Variants in HEATR5A observed in about 807,000 individuals in gnomAD.
The protein encoded by HEATR5A is HEAT repeat containing 5A.
A neutral mutation model predicts 218.8 loss-of-function variants in HEATR5A; 178 were observed. That is an observed-to-expected ratio of 0.81 (90% CI 0.72 to 0.92). The LOEUF is 0.92. Among genes scored for constraint, HEATR5A ranks in the 40% least tolerant of loss-of-function variants. The pLI is 0.00. For synonymous variants in HEATR5A, 864 were observed against 871.6 expected, an observed-to-expected ratio of 0.99 and a Z score of 0.15; for missense variants, 2,420 against 2,418.9, an observed-to-expected ratio of 1.00 and a Z score of -0.01.
Position 31,292,346 on chromosome 14 carries a change from G to A in HEATR5A, c.*959C>T, listed in dbSNP as rs1181314879. ...ATCCATTTGAAAAATAGTGGAAATG[G>A]CTTATTCTATTTAAAATGAGTAAGA... is the stretch of plus-strand genomic sequence containing the variant. On this transcript the variant is annotated 3_prime_UTR_variant, in exon 36 of 36. Transcript: ENST00000543095. The A allele has an allele frequency of 6.6e-6, 1 of 152,060 alleles. No homozygotes were observed. Among genetic ancestry groups the A allele is most frequent in the African/African-American group, 2.4e-5 (1 of 41,416 alleles). 9.4% of individuals were successfully genotyped at this position (152,060 alleles called of 1,614,324 possible).
chr14:31,344,944 GA>G, intron 20 of HEATR5A, 142 bp downstream of exon 20: 1 of 663,760 alleles, frequency 1.5e-6, no homozygotes, highest in East Asian at 2.7e-5. Context: ...CAAGGTAAGA[GA>G]AATCAGGCTG....
chr14:31,345,247 G>A lies in HEATR5A; in HGVS notation c.2898C>T (p.Ile966=), dbSNP rs1330531071. The A allele has an allele frequency of 2.5e-6, 4 of 1,612,536 alleles. No homozygotes were observed. The highest frequency in any genetic ancestry group is 1.3e-5 in the African/African-American group (1 of 74,990). The part of the protein sequence containing the change: ...QTWALHSLSL[I]IDSAGPLYYV... ...AATAGAGTGGGCCAGCAGAATCAATGATCAATGATAGAGAATGTAATGCCC... is the reference window on the plus strand; with the variant it reads ...AATAGAGTGGGCCAGCAGAATCAATAATCAATGATAGAGAATGTAATGCCC... Residue 966 remains isoleucine, a synonymous_variant, in exon 20 of 36, where the codon ATC becomes ATT. Transcript: ENST00000543095.
At chr14:31,385,124 G>A (rs2030161625) in intron 9 of HEATR5A, among the ~76,000 whole-genome samples, 1 of 152,040 alleles carries the variant, frequency 6.6e-6, no homozygotes, top group South Asian at 2.1e-4. Flanking sequence ...AAGGATAAAA[G>A]CCATAATGAT....
chr14:31,315,809 A>G lies in HEATR5A; in HGVS notation c.4179T>C (p.Ser1393=). ...TAAGCACAGCTAAGATCTCCATGGT[A>G]GAAGCACTTTCATTATATAAGTGAC... is the stretch of plus-strand genomic sequence containing the variant. The part of the protein sequence containing the change: ...ALSHLYNESA[S]TMEILAVLKA... Residue 1393 remains serine (S), a synonymous_variant, in exon 27 of 36, where the codon TCT becomes TCC. Transcript: ENST00000543095. 1 of 1,612,828 alleles carries G rather than the reference A, an allele frequency of 6.2e-7. No individual in the cohort carries two copies.
intron 28 of HEATR5A, among the ~76,000 whole-genome samples, chr14:31,309,994 C>T (rs1227742138): frequency 1.3e-5 from 2 of 151,950 alleles, no homozygotes; most frequent in African/African-American, 4.8e-5. Flanking sequence ...TGAGCCACCG[C>T]GCCTGGCCAT....
At chr14:31,302,925 G>T (rs1191573280) in intron 32 of HEATR5A, among the ~76,000 whole-genome samples, 3 of 125,598 alleles carry the variant, frequency 2.4e-5, no homozygotes, top group Non-Finnish European at 4.7e-5. Flanking sequence ...AACACAGTGA[G>T]ACTTCATCTT....
intron 1 of HEATR5A, among the ~76,000 whole-genome samples, chr14:31,418,779 A>G (rs1314296483): frequency 6.6e-6 from 1 of 152,240 alleles, no homozygotes; most frequent in Non-Finnish European, 1.5e-5. Context: ...AGATGTCATT[A>G]AACGCTTAAT....
chr14:31,358,619 A>G lies in HEATR5A; in HGVS notation c.2411+18T>C. The G allele has an allele frequency of 6.2e-7, 1 of 1,605,530 alleles. No individual in the cohort carries two copies. Among genetic ancestry groups the G allele is most frequent in the Non-Finnish European group, 8.5e-7 (1 of 1,174,588 alleles). Reference sequence around the variant, plus strand: ...CAGTTCTCTATTATCCATTCACTGAACCATTGAAGATATTTACCTTTGAGT... The same window carrying G: ...CAGTTCTCTATTATCCATTCACTGAGCCATTGAAGATATTTACCTTTGAGT... On this transcript the variant is annotated intron_variant, in intron 16 of 35. Transcript: ENST00000543095.
chr14:31,338,979 G>C (rs1900752177), intron 21 of HEATR5A, among the ~76,000 whole-genome samples: 1 of 151,562 alleles, frequency 6.6e-6, no homozygotes, highest in Non-Finnish European at 1.5e-5. Context: ...AATTAGCCGG[G>C]CATGGTGGCA....
chr14:31,389,493 T>G lies in HEATR5A; in HGVS notation c.773-488A>C, dbSNP rs1385345669. ...TCTATTGGCAATAAAACTTTTGCTA[T>G]TCCTTCAGTCTCTGAAGAAATCAAA... On this transcript the variant is annotated intron_variant, in intron 6 of 35. Transcript: ENST00000543095. Among the ~76,000 whole-genome samples, 3 of 152,346 alleles carry G rather than the reference T, an allele frequency of 2.0e-5. No individual in the cohort carries two copies. In the East Asian group the frequency reaches 5.8e-4, roughly 29 times the overall value.
intron 12 of HEATR5A, 77 bp from the exon 13 acceptor site, chr14:31,371,986 T>C (rs777964403): frequency 3.2e-6 from 2 of 627,720 alleles, no homozygotes; most frequent in Non-Finnish European, 5.5e-6. Context: ...GGTACAACAT[T>C]AGCATTGTTA....
intron 31 of HEATR5A, among the ~76,000 whole-genome samples, chr14:31,306,394 A>T (rs1899557205): frequency 6.6e-6 from 1 of 152,098 alleles, no homozygotes; most frequent in Admixed American, 6.6e-5. Context: ...AAGGTGGGAG[A>T]ATCACCTGAG....
chr14:31,387,695 G>A (rs1937565581), intron 7 of HEATR5A, among the ~76,000 whole-genome samples: 1 of 152,046 alleles, frequency 6.6e-6, no homozygotes, highest in Non-Finnish European at 1.5e-5. Flanking sequence ...GAGTAGCTGG[G>A]ACTACAGGGG....
At chr14:31,404,739 C>CT (rs1328218328) in intron 1 of HEATR5A, among the ~76,000 whole-genome samples, 4 of 151,888 alleles carry the variant, frequency 2.6e-5, no homozygotes, top group African/African-American at 4.8e-5. Context: ...CATAGACGGA[C>CT]TTTGTCTCTA....
intron 32 of HEATR5A, 33 bp downstream of exon 32, chr14:31,304,872 G>A: frequency 6.2e-7 from 1 of 1,601,158 alleles, no homozygotes; most frequent in Non-Finnish European, 8.5e-7. Flanking sequence ...TTCTCTTCTA[G>A]GTCAAGTCAA....
intron 2 of HEATR5A, among the ~76,000 whole-genome samples, chr14:31,400,757 C>T (rs1360018781): frequency 6.6e-6 from 1 of 152,074 alleles, no homozygotes; most frequent in East Asian, 1.9e-4. Flanking sequence ...ACTGCAATCT[C>T]TGTTAACAAA....
At chr14:31,394,767 G>A (rs375165696) in intron 5 of HEATR5A, among the ~76,000 whole-genome samples, 1 of 152,112 alleles carries the variant, frequency 6.6e-6, no homozygotes, top group African/African-American at 2.4e-5. Context: ...GCAGTGAGCC[G>A]AGATCGCGCC....
chr14:31,419,995 C>G (rs1354651687), intron 1 of HEATR5A, among the ~76,000 whole-genome samples: 5 of 152,234 alleles, frequency 3.3e-5, no homozygotes, highest in Admixed American at 3.3e-4. Flanking sequence ...CGCCCGAAGG[C>G]CGGGCCGGGG....
chr14:31,380,430 G>T (rs772061675), intron 11 of HEATR5A, 37 bp downstream of exon 11: 40 of 1,258,896 alleles, frequency 3.2e-5, no homozygotes, highest in Non-Finnish European at 4.3e-5. Context: ...AAAACACAAA[G>T]TATTTCAAGG....
Sources: allele counts gnomAD v4.1 joint callset (sites outside exome capture counted in the v4.1 genomes callset), GRCh38; gene constraint gnomAD v4.1.1; transcripts MANE v1.5; gene names NCBI Gene and HGNC (gene_info 2026-07-23, HGNC 2026-07-21).